Variants in DCBLD2 observed in about 807,000 individuals in gnomAD.
DCBLD2 encodes the protein discoidin, CUB and LCCL domain containing 2.
In DCBLD2, 54 loss-of-function variants were observed where a neutral mutation model predicts 86.8. That is an observed-to-expected ratio of 0.62 (90% CI 0.50 to 0.78). The LOEUF (loss-of-function observed/expected upper bound fraction) is 0.78, where lower values mean the gene tolerates loss of function less well. Among genes scored for constraint, DCBLD2 ranks in the 30% least tolerant of loss-of-function variants. DCBLD2 has a pLI of 0.00. For synonymous variants in DCBLD2, 354 were observed against 341.3 expected (o/e 1.04, Z -0.41); for missense variants, 908 against 954.2 (o/e 0.95, Z 0.64).
chr3:98,873,372 C>T (rs1433457497), intron 2 of DCBLD2, among the ~76,000 whole-genome samples: 1 of 151,910 alleles, frequency 6.6e-6, no homozygotes, highest in African/African-American at 2.4e-5. Context: ...TAAACCTTCT[C>T]AAGTATATAT....
chr3:98,863,929 G>A (rs185383055), intron 2 of DCBLD2, among the ~76,000 whole-genome samples: 32 of 152,068 alleles, frequency 2.1e-4, no homozygotes, highest in East Asian at 9.7e-4. Flanking sequence ...CAACCTACAG[G>A]ATGGGAGAAA....
chr3:98,815,547 C>T (rs904792291), intron 9 of DCBLD2: 2 of 152,014 alleles, frequency 1.3e-5, no homozygotes, highest in African/African-American at 2.4e-5. Context: ...AAAAAAAATT[C>T]GGGCAGGTAA....
intron 3 of DCBLD2, among the ~76,000 whole-genome samples, chr3:98,834,799 T>C (rs1157599993): frequency 3.3e-5 from 5 of 152,252 alleles, no homozygotes; most frequent in Non-Finnish European, 7.3e-5. Context: ...AACTTATAGA[T>C]GTTATCCTAA....
chr3:98,838,864 G>A (rs1233084276), intron 3 of DCBLD2, among the ~76,000 whole-genome samples: 1 of 152,068 alleles, frequency 6.6e-6, no homozygotes, highest in Non-Finnish European at 1.5e-5. Flanking sequence ...GGCCAACACA[G>A]CGAAACCCCG....
intron 3 of DCBLD2, among the ~76,000 whole-genome samples, chr3:98,832,636 T>A (rs1267053932): frequency 1.3e-5 from 2 of 152,220 alleles, no homozygotes; most frequent in East Asian, 3.8e-4. Flanking sequence ...GGTCTGGTGG[T>A]AATGAACTCG....
chr3:98,873,245 AAGAG>A (rs1445423395), intron 2 of DCBLD2, among the ~76,000 whole-genome samples: 1 of 152,140 alleles, frequency 6.6e-6, no homozygotes, highest in Non-Finnish European at 1.5e-5. Flanking sequence ...ACAGCAAAGA[AAGAG>A]AAAGAACCAC....
At chr3:98,895,466 G>A (rs1306628779) in intron 1 of DCBLD2, 1 of 151,970 alleles carries the variant, frequency 6.6e-6, no homozygotes, top group Non-Finnish European at 1.5e-5. Flanking sequence ...TAAAAGGGTG[G>A]GCTTTCACAC....
intron 2 of DCBLD2, among the ~76,000 whole-genome samples, chr3:98,881,133 G>A (rs1033088707): frequency 6.6e-6 from 1 of 151,682 alleles, no homozygotes; most frequent in Non-Finnish European, 1.5e-5. Flanking sequence ...GCGAGCGCCT[G>A]TAATCAGGTA....
At chr3:98,840,732 T>G (rs13100915) in intron 3 of DCBLD2, among the ~76,000 whole-genome samples, 8,111 of 152,188 alleles carry the variant, frequency 0.053, 280 homozygotes, top group Non-Finnish European at 0.071. Context: ...CCTCAAGCAA[T>G]CCTCCCACGT....
At chr3:98,820,113 A>T (rs1411136371) in intron 7 of DCBLD2, 135 bp downstream of exon 7, 2 of 459,684 alleles carry the variant, frequency 4.4e-6, no homozygotes, top group African/African-American at 4.1e-5. Context: ...ATATTATTAG[A>T]TAACTATCTT....
At chr3:98,875,003 C>A (rs1048309479) in intron 2 of DCBLD2, among the ~76,000 whole-genome samples, 1 of 152,052 alleles carries the variant, frequency 6.6e-6, no homozygotes, top group Non-Finnish European at 1.5e-5. Flanking sequence ...GATAAGGAAC[C>A]CGGAAAGGAT....
intron 2 of DCBLD2, among the ~76,000 whole-genome samples, chr3:98,876,411 G>GAAAAAAAAAAAA: frequency 4.3e-4 from 1 of 2,330 alleles, no homozygotes; most frequent in Non-Finnish European, 8.0e-4. Context: ...GAGATAAAAA[G>GAAAAAAAAAAAA]TAAAAAAAAA....
chr3:98,852,750 T>C lies in DCBLD2; in HGVS notation c.434-3152A>G, dbSNP rs555059632. Among the ~76,000 whole-genome samples the C allele has an allele frequency of 5.3e-5, 8 of 152,304 alleles. No individual in the cohort carries two copies. The East Asian group carries it at 7.7e-4, about 15-fold the overall frequency. On this transcript the variant is annotated intron_variant, in intron 2 of 15. Coordinates refer to ENST00000326840, the MANE Select transcript of DCBLD2 (RefSeq NM_080927.4). ...GCCTGGAAGAATGCAAACATCTATG[T>C]AGCAACTTGCCTATCAGGGCCATTG...
chr3:98,849,890 A>AG (rs1464074647), intron 2 of DCBLD2, among the ~76,000 whole-genome samples: 2 of 120,930 alleles, frequency 1.7e-5, no homozygotes, highest in Non-Finnish European at 3.7e-5. Flanking sequence ...TGAGGGACTA[A>AG]AAAAAAAATT....
chr3:98,889,505 C>G (rs1223704546), intron 1 of DCBLD2, among the ~76,000 whole-genome samples: 1 of 151,982 alleles, frequency 6.6e-6, no homozygotes, highest in Non-Finnish European at 1.5e-5. Flanking sequence ...AGTTATAGGG[C>G]AAAATAATTA....
At chr3:98,826,744 T>G (rs1942229496) in intron 3 of DCBLD2, among the ~76,000 whole-genome samples, 1 of 152,198 alleles carries the variant, frequency 6.6e-6, no homozygotes, top group Non-Finnish European at 1.5e-5. Context: ...TTTCTGATCA[T>G]TAGCATGTTT....
intron 2 of DCBLD2, among the ~76,000 whole-genome samples, chr3:98,879,823 C>T (rs1332415053): frequency 6.6e-6 from 1 of 152,144 alleles, no homozygotes; most frequent in Non-Finnish European, 1.5e-5. Flanking sequence ...CAGAATTTCT[C>T]ATATCCTTAA....
In DCBLD2 at chr3:98,799,496, G is replaced by A. The variant is rs751485592; in HGVS notation, c.2204C>T (p.Pro735Leu). 65 of 1,613,860 alleles carry A rather than the reference G, an allele frequency of 4.0e-5. No individual in the cohort carries two copies. Among genetic ancestry groups the A allele is most frequent in the Non-Finnish European group, 4.7e-5 (56 of 1,179,894 alleles). ...AGGTAGACCTGGCTTCCCAGCTTTC[G>A]GGGTATCATACTGGGCCTGGGCTGA... ...CSSAQAQYDT[P>L]KAGKPGLPAP... Residue 735 changes from proline to leucine, a missense_variant, in exon 16 of 16, where the codon CCG (proline) becomes CTG (leucine). Transcript: ENST00000326840.
chr3:98,820,167 A>T (rs1942093190), intron 7 of DCBLD2, 81 bp downstream of exon 7: 5 of 878,610 alleles, frequency 5.7e-6, no homozygotes, highest in Non-Finnish European at 7.7e-6. Context: ...AAGTACAATA[A>T]ATCAGCAACT....
Sources: allele counts gnomAD v4.1 joint callset (sites outside exome capture counted in the v4.1 genomes callset), GRCh38; gene constraint gnomAD v4.1.1; transcripts MANE v1.5; gene names NCBI Gene and HGNC (gene_info 2026-07-23, HGNC 2026-07-21).